CTDSPL: variants seen among roughly 807,000 people sequenced by gnomAD.
CTDSPL encodes CTD small phosphatase-like protein.
A neutral mutation model predicts 30.5 loss-of-function variants in CTDSPL; 8 were observed. The observed-to-expected ratio is 0.26, with a 90% confidence interval of 0.15 to 0.47. The LOEUF is 0.47. Among genes scored for constraint, CTDSPL ranks in the 20% least tolerant of loss-of-function variants. The probability of loss-of-function intolerance (pLI) is 0.99; values close to 1 mark genes in which losing one functional copy is unlikely to be tolerated. For missense variants in CTDSPL, 248 were observed against 366.1 expected (o/e 0.68, Z 2.63); for synonymous variants, 110 against 137.9 (o/e 0.80, Z 1.42).
intron 1 of CTDSPL, among the ~76,000 whole-genome samples, chr3:37,905,596 C>T (rs73058907): frequency 6.6e-6 from 1 of 152,214 alleles, no homozygotes; most frequent in Admixed American, 6.5e-5. Context: ...CCTTCCCCCC[C>T]TCCCTCCTTG....
At chr3:37,914,989 GTCC>G (rs1309960602) in intron 1 of CTDSPL, among the ~76,000 whole-genome samples, 1 of 147,300 alleles carries the variant, frequency 6.8e-6, no homozygotes, top group African/African-American at 2.5e-5. Context: ...CCCTCCAGCA[GTCC>G]TCCTGCCTTG....
At chr3:37,970,244 A>G (rs1475252226) in intron 5 of CTDSPL, among the ~76,000 whole-genome samples, 1 of 152,128 alleles carries the variant, frequency 6.6e-6, no homozygotes, top group Non-Finnish European at 1.5e-5. Context: ...TCCAGGCCAA[A>G]TGTTATCTTC....
chr3:37,958,682 T>G (rs895442472), intron 3 of CTDSPL, among the ~76,000 whole-genome samples: 3 of 152,222 alleles, frequency 2.0e-5, no homozygotes, highest in African/African-American at 4.8e-5. Flanking sequence ...AGAAAATTCC[T>G]TATGTAATTG....
At chr3:37,897,045 C>T (rs561982247) in intron 1 of CTDSPL, among the ~76,000 whole-genome samples, 1 of 152,330 alleles carries the variant, frequency 6.6e-6, no homozygotes, top group East Asian at 1.9e-4. Flanking sequence ...CTGATGGCTG[C>T]TTGAAAGAGT....
chr3:37,956,503 G>A (rs1176114239), intron 2 of CTDSPL, among the ~76,000 whole-genome samples: 6 of 152,202 alleles, frequency 3.9e-5, no homozygotes, highest in Non-Finnish European at 7.3e-5. Context: ...GAATATTTGA[G>A]GCCTTTCCTT....
chr3:37,978,196 A>T (rs947782889), intron 7 of CTDSPL, among the ~76,000 whole-genome samples: 8 of 152,222 alleles, frequency 5.3e-5, no homozygotes, highest in Non-Finnish European at 1.0e-4. Context: ...AAAGTAGCCA[A>T]TAATTTTTTT....
chr3:37,912,047 C>A (rs1380919072), intron 1 of CTDSPL, among the ~76,000 whole-genome samples: 1 of 152,162 alleles, frequency 6.6e-6, no homozygotes, highest in South Asian at 2.1e-4. Flanking sequence ...GGTCCTGATA[C>A]ACTTAGAAGT....
chr3:37,957,870 G>A (rs1699191798), intron 3 of CTDSPL, among the ~76,000 whole-genome samples: 2 of 152,230 alleles, frequency 1.3e-5, no homozygotes, highest in African/African-American at 2.4e-5. Context: ...AGGCCAGTCA[G>A]TAAGAAGTAA....
rs1353501778 is a variant in CTDSPL, at chr3:37,864,490, G to A, written c.79+2212G>A. Among the ~76,000 whole-genome samples, 2 of 152,164 alleles carry A rather than the reference G, an allele frequency of 1.3e-5. 1 individual carries two copies. Among genetic ancestry groups the A allele is most frequent in the Admixed American group, 1.3e-4 (2 of 15,284 alleles). On this transcript the variant is annotated intron_variant, in intron 1 of 7. Transcript: ENST00000273179. ...CGATTAGAGGAATTCTTTACCTGCA[G>A]CCCTGGGGTGGGGTGGTTGGCTAGT... is the stretch of plus-strand genomic sequence containing the variant.
rs73058996 is a variant in CTDSPL, at chr3:37,983,184, G to T, written c.*2317G>T. The T allele has an allele frequency of 0.044, 6,633 of 152,446 alleles. 151 individuals carry two copies. Among genetic ancestry groups the T allele is most frequent in the African/African-American group, 0.052 (2,156 of 41,504 alleles). 9.4% of individuals were successfully genotyped at this position (152,446 alleles called of 1,614,324 possible). On this transcript the variant is annotated 3_prime_UTR_variant, in exon 8 of 8. Coordinates refer to ENST00000273179, the MANE Select transcript of CTDSPL (RefSeq NM_001008392.2). ...CAGAATGTCTGGAGAGGGCCAGCAG[G>T]CCCTCTGAGGGTTCTGGAATCTGTG...
At chr3:37,874,995 T>G (rs1698120278) in intron 1 of CTDSPL, among the ~76,000 whole-genome samples, 1 of 152,254 alleles carries the variant, frequency 6.6e-6, no homozygotes, top group Non-Finnish European at 1.5e-5. Context: ...CCACTACCTT[T>G]AAATAATTCT....
chr3:37,875,251 G>A (rs1294825333), intron 1 of CTDSPL, among the ~76,000 whole-genome samples: 1 of 152,192 alleles, frequency 6.6e-6, no homozygotes, highest in Non-Finnish European at 1.5e-5. Flanking sequence ...ATAAGCAGTG[G>A]CCTTTCTGGA....
chr3:37,943,258 A>G (rs1160002387), intron 1 of CTDSPL, among the ~76,000 whole-genome samples: 1 of 150,136 alleles, frequency 6.7e-6, no homozygotes, highest in Non-Finnish European at 1.5e-5. Context: ...AGAACAAATG[A>G]TCTCCATGGG....
At chr3:37,943,479 TG>T (rs1699000861) in intron 1 of CTDSPL, among the ~76,000 whole-genome samples, 1 of 150,136 alleles carries the variant, frequency 6.7e-6, no homozygotes, top group African/African-American at 2.4e-5. Context: ...CAGAAAACTT[TG>T]GAATGACTTT....
At chr3:37,912,273 C>T (rs985892183) in intron 1 of CTDSPL, among the ~76,000 whole-genome samples, 10 of 152,182 alleles carry the variant, frequency 6.6e-5, no homozygotes, top group African/African-American at 2.2e-4. Context: ...CACTCAGCCC[C>T]GGCCACTCCT....
intron 1 of CTDSPL, among the ~76,000 whole-genome samples, chr3:37,868,217 TC>T (rs1698034373): frequency 6.6e-6 from 1 of 152,132 alleles, no homozygotes; most frequent in Non-Finnish European, 1.5e-5. Context: ...CTATATATCT[TC>T]TTTGATGAGC....
At chr3:37,911,533 G>C (rs13099971) in intron 1 of CTDSPL, 71,683 of 366,816 alleles carry the variant, frequency 0.2, 9,652 homozygotes, top group African/African-American at 0.48. Context: ...AATAATGAAG[G>C]CTTCTTTATC....
chr3:37,984,092 C>T lies in CTDSPL; in HGVS notation c.*3225C>T, dbSNP rs573240813. 1.1e-4 allele frequency: 45 copies of T among 404,876 alleles called. No homozygotes were observed. The East Asian group carries it at 2.9e-3, about 26-fold the overall frequency. 25.1% of individuals were successfully genotyped at this position (404,876 alleles called of 1,614,324 possible). ...AAACAATCCTACGTTTGTGCCTCTGCTTTTAAAGGTGCTGTGCTGGACAGT... is the reference window on the plus strand; with the variant it reads ...AAACAATCCTACGTTTGTGCCTCTGTTTTTAAAGGTGCTGTGCTGGACAGT... On this transcript the variant is annotated 3_prime_UTR_variant, in exon 8 of 8. Coordinates refer to ENST00000273179, the MANE Select transcript of CTDSPL (RefSeq NM_001008392.2).
chr3:37,907,745 A>C lies in CTDSPL; in HGVS notation c.80-39312A>C, dbSNP rs565125689. Among the ~76,000 whole-genome samples the C allele has an allele frequency of 2.1e-4, 32 of 152,360 alleles. No homozygotes were observed. In the East Asian group the frequency reaches 6.2e-3, roughly 29 times the overall value. The stretch of plus-strand genomic sequence containing the variant: ...CTAATATTTCTATAAGTTAAAAATA[A>C]GTGCTCAGAAAAGTACAATGCACAT... On this transcript the variant is annotated intron_variant, in intron 1 of 7. Coordinates refer to ENST00000273179, the MANE Select transcript of CTDSPL (RefSeq NM_001008392.2).
Sources: allele counts gnomAD v4.1 joint callset (sites outside exome capture counted in the v4.1 genomes callset), GRCh38; gene constraint gnomAD v4.1.1; transcripts MANE v1.5; gene names NCBI Gene and HGNC (gene_info 2026-07-23, HGNC 2026-07-21).